The following TMEM266 variants were observed in gnomAD, a reference collection of about 807,000 sequenced individuals.
TMEM266 encodes transmembrane protein 266.
Under a neutral mutation model 50.5 loss-of-function variants are expected in TMEM266, and 33 were observed. The observed-to-expected ratio is 0.65, with a 90% CI of 0.50 to 0.87. The LOEUF is 0.87. Ranked by LOEUF, TMEM266 falls within the 40% of genes least tolerant of loss-of-function variation. The pLI, the probability that TMEM266 is intolerant of heterozygous loss-of-function variation, is 0.00. For missense variants in TMEM266, 655 were observed against 695.1 expected, an observed-to-expected ratio of 0.94 and a Z score of 0.65; for synonymous variants, 310 against 292.3, an observed-to-expected ratio of 1.06 and a Z score of -0.62.
intron 2 of TMEM266, among the ~76,000 whole-genome samples, chr15:76,136,375 G>C (rs2037589074): frequency 6.6e-6 from 1 of 152,208 alleles, no homozygotes; most frequent in Non-Finnish European, 1.5e-5. Context: ...ACCTATGTCA[G>C]ATCATAGTGA....
At chr15:76,077,390 C>A (rs1042890800) in intron 1 of TMEM266, among the ~76,000 whole-genome samples, 1 of 152,028 alleles carries the variant, frequency 6.6e-6, no homozygotes, top group Non-Finnish European at 1.5e-5. Context: ...GAAGACATAT[C>A]AACACGGATA....
intron 8 of TMEM266, among the ~76,000 whole-genome samples, chr15:76,182,250 T>C (rs1022464681): frequency 5.3e-5 from 8 of 151,910 alleles, no homozygotes; most frequent in African/African-American, 1.5e-4. Context: ...CAGCTTCTCA[T>C]TGGGGAAATT....
intron 8 of TMEM266, among the ~76,000 whole-genome samples, chr15:76,179,159 C>T (rs558726143): frequency 6.6e-6 from 1 of 152,358 alleles, no homozygotes; most frequent in South Asian, 2.1e-4. Flanking sequence ...AGACTTTGAG[C>T]TGGCTTCGAA....
intron 1 of TMEM266, among the ~76,000 whole-genome samples, chr15:76,091,072 A>C (rs761304890): frequency 2.0e-4 from 30 of 152,156 alleles, no homozygotes; most frequent in Non-Finnish European, 1.8e-4. Flanking sequence ...AAAGGGAAAA[A>C]AGTGTCCACT....
chr15:76,065,446 GCTGT>G (rs1240032015), intron 1 of TMEM266, among the ~76,000 whole-genome samples: 3 of 152,108 alleles, frequency 2.0e-5, no homozygotes, highest in African/African-American at 7.2e-5. Context: ...TCTTTGAAAT[GCTGT>G]CTGTCGGCAG....
chr15:76,147,105 G>A (rs2037768513), intron 3 of TMEM266, among the ~76,000 whole-genome samples: 1 of 152,216 alleles, frequency 6.6e-6, no homozygotes, highest in African/African-American at 2.4e-5. Context: ...TTGGGAGCTG[G>A]TCCCTAGATC....
At chr15:76,175,461 G>A in intron 7 of TMEM266, 98 bp from the exon 8 acceptor site, 1 of 852,880 alleles carries the variant, frequency 1.2e-6, no homozygotes, top group South Asian at 1.6e-5. Context: ...AATGGCCCAG[G>A]GCCTCGAACC....
intron 1 of TMEM266, among the ~76,000 whole-genome samples, chr15:76,119,344 T>C (rs61206848): frequency 0.015 from 2,123 of 146,264 alleles, 56 homozygotes; most frequent in African/African-American, 0.051. Context: ...CAAGGTTTAA[T>C]CTCAAGGTTA....
intron 5 of TMEM266, among the ~76,000 whole-genome samples, chr15:76,166,212 C>G (rs2038094608): frequency 1.3e-5 from 2 of 151,814 alleles, no homozygotes; most frequent in Admixed American, 1.3e-4. Flanking sequence ...GCAAAGGTGT[C>G]TGGGGAGGGG....
chr15:76,201,021 C>T (rs1452232496), intron 9 of TMEM266, among the ~76,000 whole-genome samples: 1 of 152,140 alleles, frequency 6.6e-6, no homozygotes, highest in Non-Finnish European at 1.5e-5. Context: ...GGTCTGCTGA[C>T]CCCATTCTTC....
At chr15:76,071,571 A>G (rs558089667) in intron 1 of TMEM266, among the ~76,000 whole-genome samples, 2 of 152,326 alleles carry the variant, frequency 1.3e-5, no homozygotes, top group Admixed American at 6.5e-5. Context: ...GGAGATTCTC[A>G]TAAGGCCTCT....
chr15:76,091,369 C>T (rs899722626), intron 1 of TMEM266, among the ~76,000 whole-genome samples: 7 of 150,462 alleles, frequency 4.7e-5, no homozygotes, highest in African/African-American at 1.7e-4. Context: ...GCAGCAGACC[C>T]ACAGAGTAAT....
At chr15:76,096,739 C>G (rs1021930997) in intron 1 of TMEM266, among the ~76,000 whole-genome samples, 9 of 151,960 alleles carry the variant, frequency 5.9e-5, no homozygotes, top group African/African-American at 2.2e-4. Flanking sequence ...GTGTTGAAGT[C>G]TAAGTCTCTT....
At chr15:76,097,180 C>T (rs572937683) in intron 1 of TMEM266, among the ~76,000 whole-genome samples, 10 of 151,954 alleles carry the variant, frequency 6.6e-5, no homozygotes, top group South Asian at 2.1e-4. Flanking sequence ...TTATTTTGCC[C>T]GTCAATTGAT....
chr15:76,093,449 C>T (rs888271637), intron 1 of TMEM266, among the ~76,000 whole-genome samples: 5 of 151,954 alleles, frequency 3.3e-5, no homozygotes, highest in African/African-American at 1.2e-4. Flanking sequence ...TCATCCATGT[C>T]CCTGCAAAGG....
At chr15:76,117,114 G>T (rs1282624461) in intron 1 of TMEM266, among the ~76,000 whole-genome samples, 1 of 152,006 alleles carries the variant, frequency 6.6e-6, no homozygotes, top group Non-Finnish European at 1.5e-5. Context: ...GGTCAGGCTG[G>T]TCTCAAACTC....
chr15:76,108,460 G>A (rs1261421520), intron 1 of TMEM266, among the ~76,000 whole-genome samples: 3 of 152,196 alleles, frequency 2.0e-5, no homozygotes, highest in Admixed American at 6.5e-5. Context: ...AAATCTCCTG[G>A]GGATCCTGTT....
chr15:76,083,643 C>A (rs564418651), intron 1 of TMEM266, among the ~76,000 whole-genome samples: 20 of 152,320 alleles, frequency 1.3e-4, no homozygotes, highest in Admixed American at 2.6e-4. Flanking sequence ...TGCTGGTAGA[C>A]CCATCACTTC....
intron 9 of TMEM266, among the ~76,000 whole-genome samples, chr15:76,194,434 C>T (rs1412505244): frequency 6.6e-6 from 1 of 152,226 alleles, no homozygotes; most frequent in South Asian, 2.1e-4. Flanking sequence ...TGCCACTCCC[C>T]GACTTCCACC....
Sources: allele counts gnomAD v4.1 joint callset (sites outside exome capture counted in the v4.1 genomes callset), GRCh38; gene constraint gnomAD v4.1.1; transcripts MANE v1.5; gene names NCBI Gene and HGNC (gene_info 2026-07-23, HGNC 2026-07-21).